ZNF385B: variants seen among roughly 807,000 people sequenced by gnomAD.
The protein encoded by ZNF385B is zinc finger protein 533.
In ZNF385B, 23 loss-of-function variants were observed where a neutral mutation model predicts 39.2. The ratio of observed to expected loss-of-function variants is 0.59; its 90% CI spans 0.42 to 0.83. The LOEUF (loss-of-function observed/expected upper bound fraction) is 0.83. ZNF385B is among the 40% of genes least tolerant of loss of function. ZNF385B has a pLI of 0.00. For missense variants in ZNF385B, 552 were observed against 598.9 expected, an observed-to-expected ratio of 0.92 and a Z score of 0.82; for synonymous variants, 205 against 222.6, an observed-to-expected ratio of 0.92 and a Z score of 0.70.
chr2:179,612,796 C>A (rs937913560), intron 3 of ZNF385B, among the ~76,000 whole-genome samples: 2 of 152,138 alleles, frequency 1.3e-5, no homozygotes, highest in African/African-American at 4.8e-5. Flanking sequence ...GCAAAGCCAG[C>A]CAGGCTTATG....
intron 1 of ZNF385B, among the ~76,000 whole-genome samples, chr2:179,850,118 TA>T (rs1709002142): frequency 6.6e-6 from 1 of 152,160 alleles, no homozygotes; most frequent in African/African-American, 2.4e-5. Flanking sequence ...GGAAAAATAA[TA>T]AAAAGCTGGG....
chr2:179,454,567 A>G (rs2050486791), intron 6 of ZNF385B, among the ~76,000 whole-genome samples: 1 of 152,184 alleles, frequency 6.6e-6, no homozygotes, highest in South Asian at 2.1e-4. Flanking sequence ...GAGGTATTCT[A>G]GAAGAAGGCA....
At chr2:179,788,642 A>G (rs1368525248) in intron 1 of ZNF385B, among the ~76,000 whole-genome samples, 1 of 152,160 alleles carries the variant, frequency 6.6e-6, no homozygotes, top group East Asian at 1.9e-4. Flanking sequence ...ATAAAAGACA[A>G]TGATGAGAAC....
chr2:179,694,483 C>A (rs1046269690), intron 3 of ZNF385B, among the ~76,000 whole-genome samples: 9 of 151,958 alleles, frequency 5.9e-5, no homozygotes, highest in South Asian at 2.1e-4. Flanking sequence ...TACAAAATTG[C>A]CTTTAAACTG....
At chr2:179,704,990 T>C (rs1331989402) in intron 3 of ZNF385B, among the ~76,000 whole-genome samples, 1 of 152,196 alleles carries the variant, frequency 6.6e-6, no homozygotes, top group Non-Finnish European at 1.5e-5. Context: ...TTTCCTGTAT[T>C]CTCATACCTA....
chr2:179,739,243 T>C lies in ZNF385B; in HGVS notation c.298+30260A>G, dbSNP rs114357768. The stretch of plus-strand genomic sequence containing the variant: ...TATTATTAAGTCTCATTATACACCA[T>C]TTATTGCATCCACTCCATTTTAAAA... On this transcript the variant is annotated intron_variant, in intron 3 of 9. Transcript: ENST00000410066. 5.2e-3 allele frequency among the ~76,000 whole-genome samples: 786 copies of C among 152,360 alleles called. 8 individuals are homozygous for C. Among genetic ancestry groups the C allele is most frequent in the Non-Finnish European group, 9.2e-3 (627 of 68,022 alleles).
chr2:179,688,284 G>C (rs113984872), intron 3 of ZNF385B, among the ~76,000 whole-genome samples: 336 of 152,254 alleles, frequency 2.2e-3, no homozygotes, highest in Non-Finnish European at 3.6e-3. Flanking sequence ...AGTTTGGAGT[G>C]GGGGGTTATG....
At chr2:179,804,046 C>T (rs1048909604) in intron 1 of ZNF385B, among the ~76,000 whole-genome samples, 1 of 152,172 alleles carries the variant, frequency 6.6e-6, no homozygotes, top group African/African-American at 2.4e-5. Flanking sequence ...GTGTTACCAA[C>T]ACAAATCTGT....
intron 3 of ZNF385B, among the ~76,000 whole-genome samples, chr2:179,701,516 G>A (rs1699199821): frequency 6.6e-6 from 1 of 152,090 alleles, no homozygotes; most frequent in Non-Finnish European, 1.5e-5. Context: ...AAGATATTAA[G>A]AAGCTTACCC....
Position 179,774,815 on chromosome 2 carries a change from A to G in ZNF385B, c.-154-4143T>C, listed in dbSNP as rs183149151. Among the ~76,000 whole-genome samples the G allele has an allele frequency of 3.7e-3, 570 of 152,332 alleles. 4 individuals are homozygous for G. The highest frequency in any genetic ancestry group is 0.013 in the African/African-American group (540 of 41,582). The stretch of plus-strand genomic sequence containing the variant: ...TCCCAACTGTTTAGGACAGTCTTTC[A>G]TCTTGTAATTAAAAATAAGGCTTAA... On this transcript the variant is annotated intron_variant, in intron 1 of 9. Coordinates refer to ENST00000410066, the MANE Select transcript of ZNF385B (RefSeq NM_152520.6).
intron 4 of ZNF385B, among the ~76,000 whole-genome samples, chr2:179,535,873 C>T (rs147121906): frequency 2.0e-4 from 31 of 152,288 alleles, no homozygotes; most frequent in African/African-American, 7.2e-4. Context: ...CCAGAATATT[C>T]CAAAGCATGT....
intron 5 of ZNF385B, among the ~76,000 whole-genome samples, chr2:179,507,974 C>A (rs1044089168): frequency 2.0e-5 from 3 of 152,138 alleles, no homozygotes; most frequent in Admixed American, 1.3e-4. Flanking sequence ...AAAATGCTGT[C>A]GCTTCATTTA....
At chr2:179,518,040 T>C (rs2058211991) in intron 5 of ZNF385B, among the ~76,000 whole-genome samples, 1 of 152,200 alleles carries the variant, frequency 6.6e-6, no homozygotes, top group African/African-American at 2.4e-5. Flanking sequence ...ATTTATTGCA[T>C]TTTAATTTTT....
chr2:179,774,291 G>A (rs890915554), intron 1 of ZNF385B, among the ~76,000 whole-genome samples: 2 of 151,874 alleles, frequency 1.3e-5, no homozygotes, highest in African/African-American at 4.8e-5. Context: ...TGTAATATGT[G>A]TGTGGTATGG....
intron 1 of ZNF385B, among the ~76,000 whole-genome samples, chr2:179,794,590 CTGTT>C (rs530601815): frequency 6.6e-6 from 1 of 152,112 alleles, no homozygotes; most frequent in Non-Finnish European, 1.5e-5. Flanking sequence ...ATATTAATAA[CTGTT>C]TGATTCTTAC....
intron 1 of ZNF385B, among the ~76,000 whole-genome samples, chr2:179,810,433 TA>T (rs1706661808): frequency 6.6e-6 from 1 of 151,958 alleles, no homozygotes; most frequent in Non-Finnish European, 1.5e-5. Context: ...ATATATTCTT[TA>T]TTTTTTTAGT....
intron 6 of ZNF385B, 26 bp downstream of exon 6, chr2:179,483,246 T>A: frequency 6.2e-7 from 1 of 1,612,700 alleles, no homozygotes; most frequent in Non-Finnish European, 8.5e-7. Context: ...ACACAAAGAA[T>A]GTAAAGAACA....
At chr2:179,519,051 G>C (rs1257697975) in intron 4 of ZNF385B, among the ~76,000 whole-genome samples, 3 of 152,186 alleles carry the variant, frequency 2.0e-5, no homozygotes, top group Non-Finnish European at 4.4e-5. Context: ...CGTGATCATA[G>C]TTCACTGCAG....
chr2:179,692,666 CA>C (rs1218150347), intron 3 of ZNF385B, among the ~76,000 whole-genome samples: 1 of 152,196 alleles, frequency 6.6e-6, no homozygotes, highest in Non-Finnish European at 1.5e-5. Flanking sequence ...AGTTGTCTTT[CA>C]TGCCACTGTG....
Sources: gnomAD v4.1 joint callset for allele counts (sites outside exome capture counted in the v4.1 genomes callset) on GRCh38, gnomAD v4.1.1 for gene constraint, MANE v1.5 for transcripts, NCBI Gene and HGNC (gene_info 2026-07-23, HGNC 2026-07-21) for gene names.